Variants in NMT2 observed in about 807,000 individuals in gnomAD.
The protein encoded by NMT2 is N-myristoyltransferase 2, also known as glycylpeptide N-tetradecanoyltransferase 2.
A neutral mutation model predicts 65.4 loss-of-function variants in NMT2; 35 were observed. The observed-to-expected ratio is 0.54, with a 90% CI of 0.41 to 0.71. The LOEUF is 0.71. Ranked by LOEUF, NMT2 falls within the 30% of genes least tolerant of loss-of-function variation. The pLI, the probability that NMT2 is intolerant of heterozygous loss-of-function variation, is 0.00. For missense variants in NMT2, 489 were observed against 611.3 expected, an observed-to-expected ratio of 0.80 and a Z score of 2.11; for synonymous variants, 226 against 231.8, an observed-to-expected ratio of 0.98 and a Z score of 0.23.
At position 15,107,311 on chromosome 10, in the gene NMT2, C is replaced by T. The variant is rs1845338658; in HGVS notation, c.*1884G>A. On this transcript the variant is annotated 3_prime_UTR_variant, in exon 12 of 12. Coordinates refer to ENST00000378165, the MANE Select transcript of NMT2 (RefSeq NM_004808.3). ...CAATGGGCTGGATTTAGCCCACAGG[C>T]CATAGTTTGGTGGCCCCTGCCTGGG... The T allele has an allele frequency of 1.8e-5, 18 of 977,302 alleles. No homozygotes were observed. Among genetic ancestry groups the T allele is most frequent in the Non-Finnish European group, 2.2e-5 (18 of 822,516 alleles). The allele number at this position is 977,302 out of a possible 1,614,324, so 60.5% of individuals were successfully genotyped here.
intron 8 of NMT2, among the ~76,000 whole-genome samples, chr10:15,126,737 A>C (rs1374393213): frequency 6.6e-6 from 1 of 152,266 alleles, no homozygotes. Context: ...CCTGGGTGGC[A>C]ACTTCAGGAG....
intron 9 of NMT2, among the ~76,000 whole-genome samples, chr10:15,113,214 T>C (rs1311836718): frequency 6.6e-6 from 1 of 152,008 alleles, no homozygotes; most frequent in Non-Finnish European, 1.5e-5. Context: ...GTCATGCCTG[T>C]AATCCCAGCA....
intron 1 of NMT2, among the ~76,000 whole-genome samples, chr10:15,149,244 G>A (rs938334912): frequency 1.7e-5 from 2 of 116,528 alleles, no homozygotes; most frequent in African/African-American, 6.8e-5. Flanking sequence ...CATTGCCACT[G>A]TCATCATCAC....
intron 9 of NMT2, among the ~76,000 whole-genome samples, chr10:15,114,627 T>C (rs181976822): frequency 6.6e-6 from 1 of 152,312 alleles, no homozygotes; most frequent in African/African-American, 2.4e-5. Flanking sequence ...AACTTTGGTA[T>C]CAAGACAGGA....
intron 2 of NMT2, 121 bp from the exon 3 acceptor site, chr10:15,135,539 GC>G: frequency 1.0e-6 from 1 of 975,774 alleles, no homozygotes; most frequent in Non-Finnish European, 1.5e-6. Flanking sequence ...CCTCCTCCAA[GC>G]CCAGTCAAGG....
At chr10:15,132,984 C>A (rs748378889) in intron 5 of NMT2, 51 bp from the exon 6 acceptor site, 4 of 1,597,372 alleles carry the variant, frequency 2.5e-6, no homozygotes, top group African/African-American at 2.7e-5. Flanking sequence ...TCCAAGAACA[C>A]AGGAACAGAC....
chr10:15,112,849 T>C lies in NMT2; in HGVS notation c.1285A>G (p.Thr429Ala). 1.2e-6 allele frequency: 2 copies of C among 1,613,934 alleles called. No individual in the cohort carries two copies. Among genetic ancestry groups the C allele is most frequent in the Non-Finnish European group, 1.7e-6 (2 of 1,179,950 alleles). Reference sequence around the variant, plus strand: ...ATGAGGTCCAGCAGGGGCGTCTCTGTGTGGATGTTGTAGAATGAGTAGGCG... The same window carrying C: ...ATGAGGTCCAGCAGGGGCGTCTCTGCGTGGATGTTGTAGAATGAGTAGGCG... ...KAAYSFYNIH[T>A]ETPLLDLMSD... The change falls in exon 10 of 12, where the codon ACA becomes GCA. Residue 429 changes from threonine to alanine, a missense_variant. Transcript: ENST00000378165.
chr10:15,124,053 C>T (rs181305033), intron 8 of NMT2, among the ~76,000 whole-genome samples: 254 of 152,264 alleles, frequency 1.7e-3, no homozygotes, highest in African/African-American at 5.8e-3. Flanking sequence ...AAATATAGAA[C>T]ACCTTATATG....
chr10:15,127,665 G>A (rs1352609723), intron 8 of NMT2, among the ~76,000 whole-genome samples: 1 of 151,674 alleles, frequency 6.6e-6, no homozygotes, highest in Non-Finnish European at 1.5e-5. Flanking sequence ...CACCTTGGGA[G>A]GCTGAAGCAG....
chr10:15,166,079 TA>T lies in NMT2; in HGVS notation c.110+2423del, dbSNP rs140083206. The stretch of plus-strand genomic sequence containing the variant: ...ATTCCATGAAAATAAAAGAACAGCA[TA>T]TGCAGTTTTACATATTTAAATACTT... On this transcript the variant is annotated intron_variant, in intron 1 of 11. Transcript: ENST00000378165. 8.0e-3 allele frequency among the ~76,000 whole-genome samples: 1,221 copies of T among 152,270 alleles called. 19 individuals are homozygous for T. The highest frequency in any genetic ancestry group is 0.028 in the African/African-American group (1,164 of 41,536).
Position 15,107,450 on chromosome 10 carries a change from A to C in NMT2, c.*1745T>G. The C allele has an allele frequency of 1.0e-6, 1 of 985,394 alleles. No homozygotes were observed. Among genetic ancestry groups the C allele is most frequent in the South Asian group, 4.7e-5 (1 of 21,282 alleles). 61.0% of individuals were successfully genotyped at this position (985,394 alleles called of 1,614,324 possible). ...GCACTGGCCCAGTAAAAGCAGGGAA[A>C]AGTATCTACTTTTGTTTTTTGAGAC... On this transcript the variant is annotated 3_prime_UTR_variant, in exon 12 of 12. Transcript: ENST00000378165.
Position 15,109,090 on chromosome 10 carries a change from A to G in NMT2, c.*105T>C. The G allele has an allele frequency of 1.3e-6, 2 of 1,551,480 alleles. No homozygotes were observed. The highest frequency in any genetic ancestry group is 1.7e-6 in the Non-Finnish European group (2 of 1,158,030). On this transcript the variant is annotated 3_prime_UTR_variant, in exon 12 of 12. Transcript: ENST00000378165. The stretch of plus-strand genomic sequence containing the variant: ...TCTTTTCTGATTATCGACTACTTCA[A>G]TTTCACTTGAGTTGTGCTTTTATTC...
chr10:15,132,443 T>C (rs1159989748), intron 6 of NMT2, among the ~76,000 whole-genome samples: 1 of 152,162 alleles, frequency 6.6e-6, no homozygotes. Context: ...TTTATTTTTT[T>C]TGAGATGGAG....
chr10:15,115,239 A>G (rs2131484118), intron 9 of NMT2, among the ~76,000 whole-genome samples: 1 of 152,352 alleles, frequency 6.6e-6, no homozygotes, highest in Middle Eastern at 3.4e-3. Context: ...CTCAAGCATC[A>G]TTATTAATCA....
Position 15,130,083 on chromosome 10 carries a change from G to A in NMT2, c.890+59C>T, listed in dbSNP as rs1021266006. 1.5e-5 allele frequency: 19 copies of A among 1,288,530 alleles called. No homozygotes were observed. The Admixed American group carries it at 5.4e-4, about 36-fold the overall frequency. The allele number at this position is 1,288,530 out of a possible 1,614,324, so 79.8% of individuals were successfully genotyped here. A position where few individuals can be genotyped will look rare whatever the true frequency, so the allele number is the denominator to read the frequency against. Reference sequence around the variant, plus strand: ...CAAAAACTACATCTAGCAGAACAGTGGTGAGGCTCAACATTTTTGATAAAG... The same window carrying A: ...CAAAAACTACATCTAGCAGAACAGTAGTGAGGCTCAACATTTTTGATAAAG... On this transcript the variant is annotated intron_variant, in intron 7 of 11. Coordinates refer to ENST00000378165, the MANE Select transcript of NMT2 (RefSeq NM_004808.3).
chr10:15,120,966 C>A (rs1180114883), intron 8 of NMT2, among the ~76,000 whole-genome samples: 1 of 152,126 alleles, frequency 6.6e-6, no homozygotes, highest in South Asian at 2.1e-4. Flanking sequence ...GAATAAAACA[C>A]CTAAAAGTCA....
At chr10:15,116,174 C>T (rs1050013758) in intron 9 of NMT2, among the ~76,000 whole-genome samples, 2 of 152,126 alleles carry the variant, frequency 1.3e-5, no homozygotes, top group Admixed American at 6.5e-5. Context: ...GTCCATATCC[C>T]GAGTAATAAA....
chr10:15,127,920 T>A (rs1207959822), intron 8 of NMT2, among the ~76,000 whole-genome samples: 1 of 151,914 alleles, frequency 6.6e-6, no homozygotes, highest in Non-Finnish European at 1.5e-5. Context: ...AAATGACAAC[T>A]TTTCACATTG....
At chr10:15,155,863 G>C (rs1832981587) in intron 1 of NMT2, among the ~76,000 whole-genome samples, 1 of 148,558 alleles carries the variant, frequency 6.7e-6, no homozygotes, top group East Asian at 2.1e-4. Context: ...CAAGCACTGT[G>C]ATTCCAAGAC....
Sources: gnomAD v4.1 joint callset for allele counts (sites outside exome capture counted in the v4.1 genomes callset) on GRCh38, gnomAD v4.1.1 for gene constraint, MANE v1.5 for transcripts, NCBI Gene and HGNC (gene_info 2026-07-23, HGNC 2026-07-21) for gene names.